Variants in TATDN3 observed in about 807,000 individuals in gnomAD.
TATDN3 encodes deoxyribonuclease TATDN3.
TATDN3 carries 29 observed loss-of-function variants against 40.1 expected under a neutral mutation model. That is an observed-to-expected ratio of 0.72 (90% CI 0.54 to 0.99). The LOEUF is 0.99. Among genes scored for constraint, TATDN3 ranks in the 50% least tolerant of loss-of-function variants. The pLI, the probability that TATDN3 is intolerant of heterozygous loss-of-function variation, is 0.00. For synonymous variants in TATDN3, 105 were observed against 117.0 expected (o/e 0.90, Z 0.66); for missense variants, 309 against 321.9 (o/e 0.96, Z 0.31).
At chr1:212,802,635 T>C (rs1571959564) in intron 4 of TATDN3, 66 bp from the exon 5 acceptor site, 1 of 1,103,118 alleles carries the variant, frequency 9.1e-7, no homozygotes, top group East Asian at 2.4e-5. Flanking sequence ...ACCTAGCACA[T>C]AATAGGAGCT....
chr1:212,792,138 A>C (rs1558072631), intron 1 of TATDN3, 151 bp downstream of exon 1: 2 of 756,980 alleles, frequency 2.6e-6, no homozygotes, highest in Admixed American at 2.9e-5. Flanking sequence ...TCATTTCCCT[A>C]TTCCCTATTT....
intron 3 of TATDN3, 111 bp downstream of exon 3, chr1:212,796,701 T>A (rs1165622859): frequency 4.0e-6 from 3 of 742,422 alleles, no homozygotes; most frequent in Non-Finnish European, 6.4e-6. Context: ...GAAAAAGCAT[T>A]TTAACATAGC....
At chr1:212,803,582 G>A (rs1571960903) in intron 5 of TATDN3, among the ~76,000 whole-genome samples, 1 of 152,222 alleles carries the variant, frequency 6.6e-6, no homozygotes, top group South Asian at 2.1e-4. Flanking sequence ...ATTATAGAAT[G>A]CATGCCAAAA....
Position 212,815,386 on chromosome 1 carries a change from A to G in TATDN3, c.*230A>G. 1 of 452,328 alleles carries G rather than the reference A, an allele frequency of 2.2e-6. No homozygotes were observed. The highest frequency in any genetic ancestry group is 4.1e-5 in the East Asian group (1 of 24,114). The allele number at this position is 452,328 out of a possible 1,614,324, so 28.0% of individuals were successfully genotyped here. On this transcript the variant is annotated 3_prime_UTR_variant, in exon 10 of 10. Transcript: ENST00000366974. The stretch of plus-strand genomic sequence containing the variant: ...TCAATTAGCCGAGTTCTGGCAGGAT[A>G]TTGGGAAAATACTGCTACTTCTTAC...
intron 4 of TATDN3, among the ~76,000 whole-genome samples, chr1:212,798,387 G>A (rs1483599449): frequency 6.6e-6 from 1 of 151,314 alleles, no homozygotes; most frequent in African/African-American, 2.4e-5. Flanking sequence ...TAGGTAGCTA[G>A]CTCTACTTAT....
chr1:212,808,024 C>G (rs551228285), intron 8 of TATDN3, among the ~76,000 whole-genome samples, 176 bp downstream of exon 8: 2 of 151,724 alleles, frequency 1.3e-5, no homozygotes, highest in South Asian at 4.2e-4. Context: ...AATATAAAAC[C>G]AAATAAGGCC....
chr1:212,813,156 T>A (rs1387612985), intron 9 of TATDN3, among the ~76,000 whole-genome samples: 7 of 152,248 alleles, frequency 4.6e-5, no homozygotes, highest in Non-Finnish European at 1.0e-4. Flanking sequence ...TTTCTTTCAA[T>A]ACAAGTATTG....
intron 8 of TATDN3, among the ~76,000 whole-genome samples, chr1:212,809,121 A>G (rs1221859993): frequency 6.6e-6 from 1 of 152,212 alleles, no homozygotes; most frequent in Non-Finnish European, 1.5e-5. Flanking sequence ...AACCAGACGA[A>G]AAACCACATC....
chr1:212,797,239 G>C (rs374367625), intron 4 of TATDN3, 43 bp downstream of exon 4: 9 of 1,455,376 alleles, frequency 6.2e-6, no homozygotes, highest in African/African-American at 1.4e-5. Flanking sequence ...ACAAACAAAC[G>C]AAAGAATTAT....
intron 8 of TATDN3, 124 bp from the exon 9 acceptor site, chr1:212,812,124 C>T (rs12130945): frequency 0.47 from 279,521 of 597,620 alleles, 68,864 homozygotes; most frequent in Non-Finnish European, 0.51. Flanking sequence ...TGAGCCACCG[C>T]GCCCAGCCTA....
At chr1:212,794,537 G>A (rs147845917) in intron 1 of TATDN3, 2 of 313,818 alleles carry the variant, frequency 6.4e-6, no homozygotes, top group South Asian at 2.7e-5. Flanking sequence ...GTGGCAATGA[G>A]CCGAGATCGC....
rs534379167 is a variant in TATDN3 at position 212,811,195 on chromosome 1, G to A, written c.601-1053G>A. 3.3e-5 allele frequency among the ~76,000 whole-genome samples: 5 copies of A among 151,924 alleles called. No individual in the cohort carries two copies. In the East Asian group the frequency reaches 9.7e-4, roughly 29 times the overall value. ...ACTCTGGCTAGGCTGGAGTGCAGTG[G>A]CGCGATCTCAGCTCACTGCAACCTC... On this transcript the variant is annotated intron_variant, in intron 8 of 9. Coordinates refer to ENST00000366974, the MANE Select transcript of TATDN3 (RefSeq NM_001042552.3).
chr1:212,814,011 G>A (rs1385760235), intron 9 of TATDN3, among the ~76,000 whole-genome samples: 2 of 151,280 alleles, frequency 1.3e-5, no homozygotes, highest in Non-Finnish European at 2.9e-5. Context: ...ATAGAGACAA[G>A]GTCTCACTAT....
intron 1 of TATDN3, 171 bp from the exon 2 acceptor site, chr1:212,794,924 T>A: frequency 1.5e-6 from 1 of 654,558 alleles, no homozygotes; most frequent in Admixed American, 2.3e-5. Flanking sequence ...CAGACTTTAC[T>A]GATAGTAAGA....
chr1:212,796,925 A>C, intron 3 of TATDN3, 187 bp from the exon 4 acceptor site: 1 of 530,146 alleles, frequency 1.9e-6, no homozygotes, highest in Non-Finnish European at 3.4e-6. Context: ...TTGTAGATAC[A>C]GGATTTCACC....
At chr1:212,796,920 G>T in intron 3 of TATDN3, 192 bp from the exon 4 acceptor site, 1 of 517,016 alleles carries the variant, frequency 1.9e-6, no homozygotes, top group Non-Finnish European at 3.4e-6. Context: ...ATTTTTTGTA[G>T]ATACAGGATT....
rs1272252846 is a variant in TATDN3, at chr1:212,815,146, T to C, written c.815T>C (p.Leu272Pro). 1.9e-6 allele frequency: 3 copies of C among 1,610,634 alleles called. No individual in the cohort carries two copies. Among genetic ancestry groups the C allele is most frequent in the Admixed American group, 1.7e-5 (1 of 58,874 alleles). ...CTGTTTCCTAAGCTCCGACACTTGC[T>C]CCAGAAATAGCTTCAAAACCATCCA... ...LKLFPKLRHL[L>P]QK Residue 272 changes from leucine to proline, a missense_variant, in exon 10 of 10, where the codon CTC becomes CCC. Leu to Pro is a moderately conservative substitution (Grantham distance 98). Transcript: ENST00000366974.
chr1:212,800,906 T>C (rs1189581364), intron 4 of TATDN3, among the ~76,000 whole-genome samples: 1 of 151,058 alleles, frequency 6.6e-6, no homozygotes, highest in Non-Finnish European at 1.5e-5. Flanking sequence ...TTTTTTTTTT[T>C]ACAAAAACCG....
chr1:212,811,114 C>T (rs1200689110), intron 8 of TATDN3, among the ~76,000 whole-genome samples: 1 of 151,988 alleles, frequency 6.6e-6, no homozygotes, highest in African/African-American at 2.4e-5. Flanking sequence ...TTCCGAGTAC[C>T]TGGGATTACA....
Sources: gnomAD v4.1 joint callset for allele counts (sites outside exome capture counted in the v4.1 genomes callset) on GRCh38, gnomAD v4.1.1 for gene constraint, MANE v1.5 for transcripts, NCBI Gene and HGNC (gene_info 2026-07-23, HGNC 2026-07-21) for gene names.